Variants in GGA3 observed in about 807,000 individuals in gnomAD.
GGA3 encodes ADP-ribosylation factor-binding protein GGA3.
A neutral mutation model predicts 77.5 loss-of-function variants in GGA3; 57 were observed. The observed-to-expected ratio is 0.74, with a 90% CI of 0.59 to 0.92. GGA3 has a LOEUF of 0.92. Among genes scored for constraint, GGA3 ranks in the 40% least tolerant of loss-of-function variants. GGA3 has a pLI of 0.00. For missense variants in GGA3, 970 were observed against 914.9 expected, an observed-to-expected ratio of 1.06 and a Z score of -0.78; for synonymous variants, 416 against 383.7, an observed-to-expected ratio of 1.08 and a Z score of -0.98.
chr17:75,238,916 T>C lies in GGA3; in HGVS notation c.1948A>G (p.Lys650Glu), dbSNP rs1367602953. ...KSIVLQAAVP[K>E]SMKVKLQPPS... ...TGGCCCCAGGGAGACACTGGTACCT[T>C]GGGCACTGCAGCCTGCAGCACGATG... The change falls in exon 15 of 17, where the codon AAG becomes GAG. Residue 650 changes from lysine to glutamate, a missense_variant and splice_region_variant. Coordinates refer to ENST00000537686, the MANE Select transcript of GGA3 (RefSeq NM_138619.4). 2 of 1,613,696 alleles carry C rather than the reference T, an allele frequency of 1.2e-6. No homozygotes were observed. Among genetic ancestry groups the C allele is most frequent in the Non-Finnish European group, 1.7e-6 (2 of 1,179,864 alleles).
At chr17:75,247,102 C>T (rs2076786651) in intron 1 of GGA3, among the ~76,000 whole-genome samples, 2 of 151,956 alleles carry the variant, frequency 1.3e-5, no homozygotes, top group African/African-American at 4.8e-5. Context: ...TTAAAATATT[C>T]CCAAAAAAAT....
At chr17:75,242,500 AAGAG>A in intron 7 of GGA3, 27 bp from the exon 8 acceptor site, 1 of 1,613,818 alleles carries the variant, frequency 6.2e-7, no homozygotes, top group Non-Finnish European at 8.5e-7. Context: ...GTTCAAGAGA[AAGAG>A]AGCGTCACTT....
rs536352264 is a variant in GGA3 at position 75,237,231 on chromosome 17, C to T, written c.*1048G>A. 82 of 593,966 alleles carry T rather than the reference C, an allele frequency of 1.4e-4. No individual in the cohort carries two copies. The highest frequency in any genetic ancestry group is 1.5e-5 in the Non-Finnish European group (5 of 332,238). 36.8% of individuals were successfully genotyped at this position (593,966 alleles called of 1,614,324 possible). A position where few individuals can be genotyped will look rare whatever the true frequency, so the allele number is the denominator to read the frequency against. The stretch of plus-strand genomic sequence containing the variant: ...TGGCCCGATCTCATCACCTCCAGAC[C>T]CAACATCTCGCTGACAGTGCCCCTC... On this transcript the variant is annotated 3_prime_UTR_variant, in exon 17 of 17. Coordinates refer to ENST00000537686, the MANE Select transcript of GGA3 (RefSeq NM_138619.4).
chr17:75,259,129 A>AT (rs1364867255), intron 1 of GGA3, among the ~76,000 whole-genome samples: 2 of 151,228 alleles, frequency 1.3e-5, no homozygotes, highest in Non-Finnish European at 3.0e-5. Flanking sequence ...ATTTTTTTGT[A>AT]TTTTTTAGTA....
At chr17:75,238,427 G>C in intron 16 of GGA3, 38 bp from the exon 17 acceptor site, 1 of 1,569,624 alleles carries the variant, frequency 6.4e-7, no homozygotes, top group Non-Finnish European at 8.7e-7. Context: ...CAGCCCAGGC[G>C]GCCCCTTGGC....
rs1221507574 is a variant in GGA3, at chr17:75,242,872, G to A, written c.568C>T (p.Leu190=). The A allele has an allele frequency of 1.9e-6, 3 of 1,614,080 alleles. No homozygotes were observed. The highest frequency in any genetic ancestry group is 3.3e-5 in the Admixed American group (2 of 60,024). ...TTGATGAGCTTGTTGGCCTCCTGCA[G>A]GTCATCTGGGTTTTTGCTTTTCAGC... ...KLLKSKNPDD[L]QEANKLIKSM... Residue 190 remains leucine, a synonymous_variant, in exon 7 of 17, where the codon CTG becomes TTG. Coordinates refer to ENST00000537686, the MANE Select transcript of GGA3 (RefSeq NM_138619.4).
At chr17:75,253,216 T>C (rs1446076356) in intron 1 of GGA3, among the ~76,000 whole-genome samples, 1 of 152,184 alleles carries the variant, frequency 6.6e-6, no homozygotes, top group Non-Finnish European at 1.5e-5. Context: ...GGCCTCTTCT[T>C]ACTCTCTTCT....
Position 75,237,490 on chromosome 17 carries a change from A to T in GGA3, c.*789T>A. The T allele has an allele frequency of 6.5e-7, 1 of 1,535,950 alleles. No homozygotes were observed. The highest frequency in any genetic ancestry group is 8.7e-7 in the Non-Finnish European group (1 of 1,146,780). ...GTAGTCAGTAGGATGGCCTGTCCCC[A>T]CGGCTGGAGGCACGCTTTTCCCAGA... On this transcript the variant is annotated 3_prime_UTR_variant, in exon 17 of 17. Coordinates refer to ENST00000537686, the MANE Select transcript of GGA3 (RefSeq NM_138619.4).
chr17:75,249,309 C>T (rs544045698), intron 1 of GGA3, among the ~76,000 whole-genome samples: 27 of 152,190 alleles, frequency 1.8e-4, no homozygotes, highest in Non-Finnish European at 3.8e-4. Flanking sequence ...TCCCAAAGTG[C>T]TGGGATTACA....
chr17:75,261,525 C>T, intron 1 of GGA3, 23 bp downstream of exon 1: 2 of 1,507,964 alleles, frequency 1.3e-6, no homozygotes, highest in Non-Finnish European at 1.8e-6. Context: ...CGAGGGCAGG[C>T]AGAAACGGCC....
intron 3 of GGA3, among the ~76,000 whole-genome samples, chr17:75,245,293 T>C (rs1254596130): frequency 1.3e-5 from 2 of 152,208 alleles, no homozygotes; most frequent in African/African-American, 4.8e-5. Context: ...TTTCTTGGCT[T>C]CTGCATTTTA....
At chr17:75,252,462 T>C (rs1365581211) in intron 1 of GGA3, among the ~76,000 whole-genome samples, 1 of 152,144 alleles carries the variant, frequency 6.6e-6, no homozygotes, top group Non-Finnish European at 1.5e-5. Flanking sequence ...TTTTGACTCC[T>C]TCTTCCCTCT....
chr17:75,242,622 C>T, intron 7 of GGA3, 149 bp from the exon 8 acceptor site: 3 of 962,482 alleles, frequency 3.1e-6, no homozygotes, highest in Non-Finnish European at 3.2e-6. Flanking sequence ...TATACTTCTG[C>T]TTTCACAACA....
chr17:75,243,198 G>T, intron 5 of GGA3, 32 bp from the exon 6 acceptor site: 1 of 1,492,306 alleles, frequency 6.7e-7, no homozygotes, highest in South Asian at 1.2e-5. Flanking sequence ...CGTGCACTCA[G>T]GCTGTGGTTG....
rs962446254 is a variant in GGA3, at chr17:75,249,043, A to T, written c.41-2247T>A. 1.1e-4 allele frequency: 102 copies of T among 922,896 alleles called. 1 individual carries two copies. Among genetic ancestry groups the T allele is most frequent in the Non-Finnish European group, 1.3e-4 (101 of 773,334 alleles). 57.2% of individuals were successfully genotyped at this position (922,896 alleles called of 1,614,324 possible). ...GAAGATTCTGATGGTTTAGGTTCAT[A>T]TTTATTTATTTATTTATTTTGAGAT... On this transcript the variant is annotated intron_variant, in intron 1 of 16. Coordinates refer to ENST00000537686, the MANE Select transcript of GGA3 (RefSeq NM_138619.4).
Position 75,240,334 on chromosome 17 carries a change from G to C in GGA3, c.1263+8C>G, listed in dbSNP as rs2076499538. 23 of 1,572,686 alleles carry C rather than the reference G, an allele frequency of 1.5e-5. No homozygotes were observed. The highest frequency in any genetic ancestry group is 1.9e-5 in the Non-Finnish European group (22 of 1,152,594). ...ACAGTAGTGCTGTCACCGATCCTGT[G>C]CCCCTACCTGGAGCAGGTGCCACTG... On this transcript the variant is annotated splice_region_variant and intron_variant, in intron 12 of 16. Transcript: ENST00000537686.
At chr17:75,260,606 A>C (rs1385729667) in intron 1 of GGA3, among the ~76,000 whole-genome samples, 1 of 152,186 alleles carries the variant, frequency 6.6e-6, no homozygotes, top group Non-Finnish European at 1.5e-5. Context: ...AAGATCCCGG[A>C]AGCAGTACTA....
At chr17:75,256,857 T>C (rs1394877462) in intron 1 of GGA3, among the ~76,000 whole-genome samples, 1 of 152,122 alleles carries the variant, frequency 6.6e-6, no homozygotes, top group African/African-American at 2.4e-5. Flanking sequence ...ACACTTTCAC[T>C]AGGTAAGTAG....
At position 75,243,519 on chromosome 17, in the gene GGA3, G is replaced by A. The variant is rs373285747; in HGVS notation, c.352C>T (p.Leu118=). 6 of 1,613,672 alleles carry A rather than the reference G, an allele frequency of 3.7e-6. No homozygotes were observed. The African/African-American group carries it at 5.3e-5, about 14-fold the overall frequency. ...GGCAGGGCCATGGTCCAGCTGTACA[G>A]CAGCTCAATAACCTTGGTCTTCACT... is the stretch of plus-strand genomic sequence containing the variant. The part of the protein sequence containing the change: ...EKVKTKVIEL[L]YSWTMALPEE... Residue 118 remains leucine (L), a synonymous_variant, in exon 5 of 17, where the codon CTG becomes TTG. Transcript: ENST00000537686.
Sources: allele counts gnomAD v4.1 joint callset (sites outside exome capture counted in the v4.1 genomes callset), GRCh38; gene constraint gnomAD v4.1.1; transcripts MANE v1.5; gene names NCBI Gene and HGNC (gene_info 2026-07-23, HGNC 2026-07-21).